Variants in CORIN observed in about 807,000 individuals in gnomAD.
The protein encoded by CORIN is corin, serine peptidase.
Under a neutral mutation model 125.3 loss-of-function variants are expected in CORIN, and 117 were observed. That is an observed-to-expected ratio of 0.93 (90% CI 0.80 to 1.09). CORIN has a LOEUF of 1.09. Among genes scored for constraint, CORIN ranks in the 50% least tolerant of loss-of-function variants. The pLI, the probability that CORIN is intolerant of heterozygous loss-of-function variation, is 0.00. For missense variants in CORIN, 1,253 were observed against 1,306.7 expected, an observed-to-expected ratio of 0.96 and a Z score of 0.63; for synonymous variants, 450 against 466.4, an observed-to-expected ratio of 0.96 and a Z score of 0.45.
chr4:47,710,121 C>T (rs1262575597), intron 5 of CORIN, among the ~76,000 whole-genome samples: 1 of 152,084 alleles, frequency 6.6e-6, no homozygotes, highest in East Asian at 1.9e-4. Context: ...GGAGATCGTA[C>T]AAGAAATTGA....
At chr4:47,826,258 C>A (rs1385291568) in intron 1 of CORIN, among the ~76,000 whole-genome samples, 2 of 152,246 alleles carry the variant, frequency 1.3e-5, no homozygotes, top group African/African-American at 4.8e-5. Context: ...GCAGCCAGGG[C>A]AACACCTTCA....
Position 47,671,547 on chromosome 4 carries a change from T to C in CORIN, c.1357+2846A>G, listed in dbSNP as rs145187877. Reference sequence around the variant, plus strand: ...GAAAGATCAGGAATAACATCTTGACTTTCAACTGCAAGTTAGGCACATACG... The same window carrying C: ...GAAAGATCAGGAATAACATCTTGACCTTCAACTGCAAGTTAGGCACATACG... On this transcript the variant is annotated intron_variant, in intron 10 of 21. Coordinates refer to ENST00000273857, the MANE Select transcript of CORIN (RefSeq NM_006587.4). 4.6e-3 allele frequency among the ~76,000 whole-genome samples: 695 copies of C among 152,328 alleles called. 13 individuals carry two copies. Among genetic ancestry groups the C allele is most frequent in the East Asian group, 0.015 (80 of 5,180 alleles).
In CORIN at chr4:47,671,406, T is replaced by C. The variant is rs562971427; in HGVS notation, c.1357+2987A>G. 2.2e-4 allele frequency among the ~76,000 whole-genome samples: 34 copies of C among 152,304 alleles called. 1 individual carries two copies. The South Asian group carries it at 6.6e-3, about 30-fold the overall frequency. ...CTAAGTAATACTAGTCTCTTGATAG[T>C]GGTAAACATCTTCAAGTAATGAACC... On this transcript the variant is annotated intron_variant, in intron 10 of 21. Transcript: ENST00000273857.
chr4:47,598,204 C>T lies in CORIN; in HGVS notation c.2946+2010G>A, dbSNP rs150457914. 8.4e-3 allele frequency among the ~76,000 whole-genome samples: 1,273 copies of T among 152,184 alleles called. 9 individuals carry two copies. Among genetic ancestry groups the T allele is most frequent in the Non-Finnish European group, 0.013 (911 of 68,010 alleles). ...CAGTATTCAGGTTTATAGATTGTCACGGAGTAACTCACGCTTCATTATGTC... is the reference window on the plus strand; with the variant it reads ...CAGTATTCAGGTTTATAGATTGTCATGGAGTAACTCACGCTTCATTATGTC... On this transcript the variant is annotated intron_variant, in intron 21 of 21. Coordinates refer to ENST00000273857, the MANE Select transcript of CORIN (RefSeq NM_006587.4).
At chr4:47,642,973 T>C in intron 15 of CORIN, 173 bp downstream of exon 15, 1 of 1,536,630 alleles carries the variant, frequency 6.5e-7, no homozygotes, top group Non-Finnish European at 8.7e-7. Context: ...CGTGGGGAAA[T>C]TTTCTGTGAG....
chr4:47,678,075 AT>A (rs1168862122), intron 8 of CORIN, 21 bp from the exon 9 acceptor site: 2 of 1,484,824 alleles, frequency 1.3e-6, no homozygotes, highest in Non-Finnish European at 1.9e-6. Flanking sequence ...CCATAACAAT[AT>A]TCACTTTATT....
At chr4:47,613,494 A>G (rs1401072308) in intron 19 of CORIN, among the ~76,000 whole-genome samples, 1 of 152,168 alleles carries the variant, frequency 6.6e-6, no homozygotes, top group Non-Finnish European at 1.5e-5. Context: ...TCTATCATAA[A>G]AGAAAGGCAT....
At chr4:47,635,458 G>C (rs1381311462) in intron 16 of CORIN, among the ~76,000 whole-genome samples, 2 of 152,224 alleles carry the variant, frequency 1.3e-5, no homozygotes, top group Non-Finnish European at 2.9e-5. Flanking sequence ...AGACATGAAT[G>C]ATGAAGCCCT....
rs556441846 is a variant in CORIN at position 47,733,064 on chromosome 4, A to AT, written c.799+11337_799+11338insA. Among the ~76,000 whole-genome samples the AT allele has an allele frequency of 2.1e-4, 32 of 152,272 alleles. No homozygotes were observed. The South Asian group carries it at 5.8e-3, about 28-fold the overall frequency. On this transcript the variant is annotated intron_variant, in intron 5 of 21. Transcript: ENST00000273857. Reference sequence around the variant, plus strand: ...TCATGCCTTCTCCAGTTCCTGGTAAACTGCCTGGTACATAGAATATACTTA... The same window carrying AT: ...TCATGCCTTCTCCAGTTCCTGGTAAATCTGCCTGGTACATAGAATATACTTA...
At chr4:47,692,661 T>C (rs1178205116) in intron 6 of CORIN, among the ~76,000 whole-genome samples, 2 of 152,156 alleles carry the variant, frequency 1.3e-5, no homozygotes, top group Non-Finnish European at 2.9e-5. Flanking sequence ...AATTGACCTT[T>C]ATACTCATAA....
intron 5 of CORIN, among the ~76,000 whole-genome samples, chr4:47,726,770 A>G (rs1179437709): frequency 1.3e-5 from 2 of 152,228 alleles, no homozygotes; most frequent in South Asian, 2.1e-4. Flanking sequence ...AAGTTTTGAC[A>G]TTGAAGACTG....
chr4:47,750,488 A>T (rs4371590), intron 4 of CORIN, among the ~76,000 whole-genome samples: 8 of 152,292 alleles, frequency 5.3e-5, no homozygotes, highest in African/African-American at 1.7e-4. Context: ...GGCTCTGATC[A>T]CCTACAGAAG....
chr4:47,656,474 G>A (rs1723987190), intron 12 of CORIN, among the ~76,000 whole-genome samples: 1 of 152,090 alleles, frequency 6.6e-6, no homozygotes, highest in Non-Finnish European at 1.5e-5. Context: ...GGATTTACAG[G>A]AGTGATGTAA....
At chr4:47,756,269 C>A (rs1325071380) in intron 4 of CORIN, among the ~76,000 whole-genome samples, 1 of 152,126 alleles carries the variant, frequency 6.6e-6, no homozygotes, top group Non-Finnish European at 1.5e-5. Flanking sequence ...AAGGTCAGTG[C>A]AACTGGAGCC....
intron 5 of CORIN, among the ~76,000 whole-genome samples, chr4:47,743,878 C>T (rs1023926190): frequency 1.9e-4 from 28 of 150,550 alleles, no homozygotes; most frequent in African/African-American, 6.6e-4. Context: ...GAGCAAGTCT[C>T]TGTCTCCAGA....
At chr4:47,809,476 C>T (rs926732299) in intron 1 of CORIN, among the ~76,000 whole-genome samples, 1 of 142,562 alleles carries the variant, frequency 7.0e-6, no homozygotes, top group Non-Finnish European at 1.5e-5. Flanking sequence ...ACAATCTTGG[C>T]TCACTGCAAC....
chr4:47,735,678 T>C (rs1181742547), intron 5 of CORIN, among the ~76,000 whole-genome samples: 9 of 152,136 alleles, frequency 5.9e-5, no homozygotes, highest in Admixed American at 5.9e-4. Context: ...CCCAGCACTT[T>C]GGAAGGCCGA....
At chr4:47,733,989 AGAGCTCTT>A (rs1423008382) in intron 5 of CORIN, among the ~76,000 whole-genome samples, 1 of 152,158 alleles carries the variant, frequency 6.6e-6, no homozygotes, top group Non-Finnish European at 1.5e-5. Flanking sequence ...AAGACACGTG[AGAGCTCTT>A]GTGAGAAGGG....
chr4:47,763,130 C>A (rs1729545737), intron 4 of CORIN, among the ~76,000 whole-genome samples: 3 of 152,128 alleles, frequency 2.0e-5, no homozygotes, highest in Non-Finnish European at 4.4e-5. Context: ...TATGCTGGAT[C>A]CTCACTAGAA....
Sources: gnomAD v4.1 joint callset for allele counts (sites outside exome capture counted in the v4.1 genomes callset) on GRCh38, gnomAD v4.1.1 for gene constraint, MANE v1.5 for transcripts, NCBI Gene and HGNC (gene_info 2026-07-23, HGNC 2026-07-21) for gene names.